CCDC175: variants seen among roughly 807,000 people sequenced by gnomAD.
CCDC175 encodes the protein coiled-coil domain containing 175, also known as coiled-coil domain-containing protein 175.
CCDC175 carries 100 observed loss-of-function variants against 114.6 expected under a neutral mutation model. The ratio of observed to expected loss-of-function variants is 0.87; its 90% CI spans 0.74 to 1.03. The LOEUF is 1.03. Among genes scored for constraint, CCDC175 ranks in the 50% least tolerant of loss-of-function variants. The pLI, the probability that CCDC175 is intolerant of heterozygous loss-of-function variation, is 0.00. For missense variants in CCDC175, 880 were observed against 917.8 expected, an observed-to-expected ratio of 0.96 and a Z score of 0.53; for synonymous variants, 306 against 308.7, an observed-to-expected ratio of 0.99 and a Z score of 0.09.
At chr14:59,531,445 C>CA (rs906189488) in intron 14 of CCDC175, among the ~76,000 whole-genome samples, 1 of 151,468 alleles carries the variant, frequency 6.6e-6, no homozygotes, top group East Asian at 1.9e-4. Flanking sequence ...TAAGAAAATA[C>CA]AAAAAAAATT....
At chr14:59,554,438 T>C (rs1054326372) in intron 7 of CCDC175, among the ~76,000 whole-genome samples, 14 of 151,990 alleles carry the variant, frequency 9.2e-5, no homozygotes, top group South Asian at 2.1e-4. Context: ...ACACAACATA[T>C]CAGAATCTCT....
At chr14:59,520,325 G>A (rs1019146708) in intron 17 of CCDC175, among the ~76,000 whole-genome samples, 2 of 152,136 alleles carry the variant, frequency 1.3e-5, no homozygotes, top group African/African-American at 4.8e-5. Context: ...GTGTTGATGA[G>A]GATGTAGAGC....
chr14:59,534,213 TG>T (rs1228140286), intron 13 of CCDC175, among the ~76,000 whole-genome samples: 2 of 152,118 alleles, frequency 1.3e-5, no homozygotes, highest in East Asian at 3.9e-4. Flanking sequence ...TGCTTGCCTG[TG>T]GGCTCAGGTT....
At chr14:59,517,240 T>C (rs924854651) in intron 17 of CCDC175, among the ~76,000 whole-genome samples, 1 of 152,178 alleles carries the variant, frequency 6.6e-6, no homozygotes, top group Non-Finnish European at 1.5e-5. Flanking sequence ...ACTGGAAGCA[T>C]TCCCTTGGAA....
At chr14:59,507,091 G>A (rs1892466826) in intron 19 of CCDC175, among the ~76,000 whole-genome samples, 1 of 152,100 alleles carries the variant, frequency 6.6e-6, no homozygotes, top group Admixed American at 6.5e-5. Flanking sequence ...TAAAATTAAG[G>A]CAAAAAGTAA....
In CCDC175 at chr14:59,538,731, C is replaced by T; in HGVS notation, c.1465G>A (p.Val489Ile). 4 of 1,536,330 alleles carry T rather than the reference C, an allele frequency of 2.6e-6. No individual in the cohort carries two copies. Among genetic ancestry groups the T allele is most frequent in the Non-Finnish European group, 3.5e-6 (4 of 1,146,508 alleles). The change falls in exon 12 of 20, where the codon GTT becomes ATT. Residue 489 changes from valine (V) to isoleucine (I), a missense_variant. Transcript: ENST00000537690. Reference protein sequence around the residue: ...AITEKIQNAEVRRIELLNETS... With the variant: ...AITEKIQNAEIRRIELLNETS... ...TCGTTAAGTAATTCAATTCGTCTAA[C>T]TTCTGCATTCTGAATTTTTTCTGTA...
At chr14:59,534,420 C>T (rs761895884) in intron 13 of CCDC175, among the ~76,000 whole-genome samples, 1 of 152,206 alleles carries the variant, frequency 6.6e-6, no homozygotes, top group African/African-American at 2.4e-5. Flanking sequence ...AGTCCACCCT[C>T]GCTCATCCTG....
At chr14:59,556,722 G>C (rs1212050524) in intron 7 of CCDC175, among the ~76,000 whole-genome samples, 1 of 151,978 alleles carries the variant, frequency 6.6e-6, no homozygotes, top group African/African-American at 2.4e-5. Flanking sequence ...TCTGACAAAG[G>C]GCTATCTAAT....
intron 5 of CCDC175, 28 bp downstream of exon 5, chr14:59,565,019 A>G (rs1004728421): frequency 1.8e-5 from 25 of 1,393,756 alleles, no homozygotes; most frequent in Middle Eastern, 1.9e-4. Context: ...ACATTATTGT[A>G]TTTTAAAGAA....
At chr14:59,509,547 C>G (rs1272464131) in intron 19 of CCDC175, among the ~76,000 whole-genome samples, 1 of 152,180 alleles carries the variant, frequency 6.6e-6, no homozygotes, top group Non-Finnish European at 1.5e-5. Flanking sequence ...GGGTCTCACT[C>G]TGTCATCCAG....
chr14:59,532,035 A>G, intron 13 of CCDC175, 125 bp from the exon 14 acceptor site: 1 of 575,334 alleles, frequency 1.7e-6, no homozygotes, highest in Non-Finnish European at 3.0e-6. Flanking sequence ...CCTGAGGTAC[A>G]TAGAAAGACA....
At position 59,510,776 on chromosome 14, in the gene CCDC175, T is replaced by C. The variant is rs1892693358; in HGVS notation, c.2175A>G (p.Gln725=). ...GCTTGTCTGTTAGATTGTTTATGTC[T>C]TGCAAGGTCTCTTCACCATTGTCCA... is the stretch of plus-strand genomic sequence containing the variant. ...ILVDNGEETL[Q]DINNLTDKLR... Residue 725 remains glutamine (Q), a synonymous_variant, in exon 19 of 20, where the codon CAA becomes CAG. Transcript: ENST00000537690. 1 of 1,537,330 alleles carries C rather than the reference T, an allele frequency of 6.5e-7. No homozygotes were observed. The highest frequency in any genetic ancestry group is 2.0e-5 in the Admixed American group (1 of 50,972).
intron 11 of CCDC175, 118 bp from the exon 12 acceptor site, chr14:59,538,958 A>AG (rs1365984839): frequency 2.3e-6 from 2 of 876,788 alleles, no homozygotes; most frequent in African/African-American, 3.4e-5. Context: ...TTGTGCTATT[A>AG]GTGTTGCAGA....
intron 4 of CCDC175, among the ~76,000 whole-genome samples, chr14:59,566,980 C>T (rs1896587416): frequency 6.6e-6 from 1 of 152,144 alleles, no homozygotes; most frequent in South Asian, 2.1e-4. Context: ...TTATCCCCAC[C>T]GCACTCCTCC....
chr14:59,520,626 A>G (rs1271423489), intron 17 of CCDC175, among the ~76,000 whole-genome samples: 1 of 152,258 alleles, frequency 6.6e-6, no homozygotes, highest in East Asian at 1.9e-4. Context: ...GAATGAATAA[A>G]TAAAATATGG....
chr14:59,508,565 CAAAA>C (rs565175219), intron 19 of CCDC175, among the ~76,000 whole-genome samples: 5 of 74,592 alleles, frequency 6.7e-5, no homozygotes, highest in South Asian at 6.8e-4. Context: ...GGCCCTGTCT[CAAAA>C]AAAAAAAAAA....
At chr14:59,530,698 A>G (rs552270042) in intron 14 of CCDC175, among the ~76,000 whole-genome samples, 18 of 152,074 alleles carry the variant, frequency 1.2e-4, no homozygotes, top group African/African-American at 4.3e-4. Flanking sequence ...AATAATCACT[A>G]TTCACTTCTG....
chr14:59,570,591 A>T (rs1896792601), intron 3 of CCDC175, among the ~76,000 whole-genome samples: 1 of 152,146 alleles, frequency 6.6e-6, no homozygotes, highest in South Asian at 2.1e-4. Context: ...TTAAACTGTG[A>T]TGAGCTTTGG....
intron 19 of CCDC175, among the ~76,000 whole-genome samples, chr14:59,505,811 T>C (rs1030709515): frequency 6.6e-5 from 10 of 152,164 alleles, no homozygotes; most frequent in Non-Finnish European, 1.3e-4. Flanking sequence ...GTATGGTACT[T>C]TTGCTAACCA....
Sources: allele counts gnomAD v4.1 joint callset (sites outside exome capture counted in the v4.1 genomes callset), GRCh38; gene constraint gnomAD v4.1.1; transcripts MANE v1.5; gene names NCBI Gene and HGNC (gene_info 2026-07-23, HGNC 2026-07-21).